OTOG: variants seen among roughly 807,000 people sequenced by gnomAD.
OTOG encodes otogelin.
Under a neutral mutation model 313.8 loss-of-function variants are expected in OTOG, and 296 were observed. That is an observed-to-expected ratio of 0.94 (90% CI 0.86 to 1.04). The LOEUF (loss-of-function observed/expected upper bound fraction) is 1.04. Among genes scored for constraint, OTOG ranks in the 50% least tolerant of loss-of-function variants. The probability of loss-of-function intolerance (pLI) is 0.00; values close to 1 mark genes in which losing one functional copy is unlikely to be tolerated. For synonymous variants in OTOG, 1,533 were observed against 1,554.9 expected (o/e 0.99, Z 0.33); for missense variants, 3,948 against 3,840.1 (o/e 1.03, Z -0.74).
chr11:17,576,914 A>G lies in OTOG; in HGVS notation c.2605+3A>G. 6.5e-7 allele frequency: 1 copy of G among 1,550,362 alleles called. No homozygotes were observed. The highest frequency in any genetic ancestry group is 8.7e-7 in the Non-Finnish European group (1 of 1,146,904). On this transcript the variant is annotated splice_donor_region_variant and intron_variant, in intron 22 of 55. Transcript: ENST00000399397. Reference sequence around the variant, plus strand: ...GAGCTGTGATAGCAGAGCCCCAGGTAAGGGTGGGTGGAGGGGTGGAGCCCT... The same window carrying G: ...GAGCTGTGATAGCAGAGCCCCAGGTGAGGGTGGGTGGAGGGGTGGAGCCCT...
Position 17,641,028 on chromosome 11 carries a change from C to T in OTOG, c.8127C>T (p.Asp2709=), listed in dbSNP as rs758388848. Residue 2709 remains aspartate (D), a synonymous_variant, in exon 51 of 56, where the codon GAC becomes GAT. Transcript: ENST00000399397. ...CCTCCCGCTGCACCACCGTGCTCGA[C>T]CCTCTCACCAACTTCTACCAGATCA... ...CHTSRCTTVL[D]PLTNFYQINT... 2 of 1,548,018 alleles carry T rather than the reference C, an allele frequency of 1.3e-6. No individual in the cohort carries two copies. Among genetic ancestry groups the T allele is most frequent in the Non-Finnish European group, 1.7e-6 (2 of 1,146,908 alleles).
chr11:17,618,432 T>C (rs981986111), intron 39 of OTOG, among the ~76,000 whole-genome samples: 3 of 152,248 alleles, frequency 2.0e-5, no homozygotes, highest in Non-Finnish European at 4.4e-5. Context: ...AATTTCATTG[T>C]GTTCATAAGA....
chr11:17,601,903 G>A (rs1853261473), intron 31 of OTOG, among the ~76,000 whole-genome samples: 1 of 152,192 alleles, frequency 6.6e-6, no homozygotes, highest in South Asian at 2.1e-4. Context: ...CAGGCAGTGG[G>A]AAGGCTGTGG....
chr11:17,561,951 C>A, intron 15 of OTOG, 144 bp downstream of exon 15: 1 of 1,025,332 alleles, frequency 9.8e-7, no homozygotes. Context: ...GACTGGACTC[C>A]AGCCCAAGCA....
chr11:17,641,813 A>C (rs1847976516), intron 51 of OTOG, 34 bp from the exon 52 acceptor site: 1 of 1,466,106 alleles, frequency 6.8e-7, no homozygotes, highest in African/African-American at 1.4e-5. Flanking sequence ...GGAGGTGGGC[A>C]TCTGGCTGAG....
intron 18 of OTOG, 66 bp downstream of exon 18, chr11:17,572,270 T>A: frequency 4.6e-6 from 7 of 1,518,900 alleles, no homozygotes; most frequent in Non-Finnish European, 2.7e-6. Context: ...TTGAGAGAGA[T>A]GAAAAGGGAA....
intron 23 of OTOG, among the ~76,000 whole-genome samples, chr11:17,584,018 T>C (rs1319001355): frequency 6.6e-6 from 1 of 152,234 alleles, no homozygotes; most frequent in South Asian, 2.1e-4. Flanking sequence ...ATGTGAAGGT[T>C]TACACATTTT....
At chr11:17,577,814 C>G (rs1034693327) in intron 22 of OTOG, among the ~76,000 whole-genome samples, 9 of 152,174 alleles carry the variant, frequency 5.9e-5, no homozygotes, top group Non-Finnish European at 7.3e-5. Flanking sequence ...AAAAAGATCA[C>G]TCACGCAGTG....
chr11:17,548,727 T>C (rs1354303686), intron 3 of OTOG, among the ~76,000 whole-genome samples: 1 of 152,090 alleles, frequency 6.6e-6, no homozygotes, highest in Non-Finnish European at 1.5e-5. Flanking sequence ...CCTTTTTTTT[T>C]CTTTTTTTGA....
chr11:17,599,539 T>G, intron 30 of OTOG, 132 bp from the exon 31 acceptor site: 2 of 930,842 alleles, frequency 2.1e-6, no homozygotes, highest in Non-Finnish European at 3.4e-6. Context: ...TCCCAAATCT[T>G]GACATGTGGG....
intron 39 of OTOG, among the ~76,000 whole-genome samples, chr11:17,621,595 GCTCTCT>G (rs149883551): frequency 2.0e-5 from 3 of 148,800 alleles, no homozygotes; most frequent in African/African-American, 7.4e-5. Flanking sequence ...AAGCTTCAGA[GCTCTCT>G]CTCTCTCTCT....
chr11:17,552,531 C>CTGTGTCCCTCACCTGTCCTGTGTCT (rs1851959107), intron 4 of OTOG, among the ~76,000 whole-genome samples: 1 of 44,570 alleles, frequency 2.2e-5, no homozygotes. Flanking sequence ...TTCCTACCTC[C>CTGTGTCCCTCACCTGTCCTGTGTCT]CCCACCTGTC....
intron 25 of OTOG, 59 bp from the exon 26 acceptor site, chr11:17,593,134 C>G: frequency 6.7e-7 from 1 of 1,488,132 alleles, no homozygotes; most frequent in Non-Finnish European, 9.1e-7. Flanking sequence ...CACCTCTGTA[C>G]CTCTTGGCAG....
chr11:17,585,685 T>C (rs1476156908), intron 23 of OTOG, among the ~76,000 whole-genome samples: 2 of 152,164 alleles, frequency 1.3e-5, no homozygotes, highest in Non-Finnish European at 2.9e-5. Flanking sequence ...TGATGCATCG[T>C]GCCATGCTTG....
chr11:17,549,659 G>A (rs868783042), intron 3 of OTOG, among the ~76,000 whole-genome samples: 3 of 152,182 alleles, frequency 2.0e-5, no homozygotes, highest in Non-Finnish European at 4.4e-5. Flanking sequence ...GTTTTAGTGG[G>A]GGAGATGACC....
intron 28 of OTOG, among the ~76,000 whole-genome samples, chr11:17,594,736 C>T (rs1853049171): frequency 6.6e-6 from 1 of 152,200 alleles, no homozygotes; most frequent in African/African-American, 2.4e-5. Flanking sequence ...GGAAACAGCA[C>T]TGAGTTGAGA....
In OTOG at chr11:17,593,166, T is replaced by A. The variant is rs1009378551; in HGVS notation, c.3007-27T>A. ...GCAGGATCTCCTTTCTCCCTTGTTT[T>A]ATTGGACTCACTTATTCTCTCCTCA... On this transcript the variant is annotated intron_variant, in intron 25 of 55. Coordinates refer to ENST00000399397, the MANE Select transcript of OTOG (RefSeq NM_001292063.2). 12 of 1,541,292 alleles carry A rather than the reference T, an allele frequency of 7.8e-6. No homozygotes were observed. The Middle Eastern group carries it at 8.4e-4, about 108-fold the overall frequency.
chr11:17,635,359 G>A (rs865789363), intron 46 of OTOG, among the ~76,000 whole-genome samples, 172 bp downstream of exon 46: 83 of 152,120 alleles, frequency 5.5e-4, no homozygotes, highest in African/African-American at 2.0e-3. Flanking sequence ...AGAGGACACC[G>A]ACCCCGTGTT....
intron 33 of OTOG, among the ~76,000 whole-genome samples, chr11:17,606,869 G>A (rs140883873): frequency 7.0e-4 from 106 of 152,276 alleles, no homozygotes; most frequent in African/African-American, 2.4e-3. Context: ...TCCCTTCAGC[G>A]GTCAGTTATC....
Sources: gnomAD v4.1 joint callset for allele counts (sites outside exome capture counted in the v4.1 genomes callset) on GRCh38, gnomAD v4.1.1 for gene constraint, MANE v1.5 for transcripts, NCBI Gene and HGNC (gene_info 2026-07-23, HGNC 2026-07-21) for gene names.